The following ZNF106 variants were observed in gnomAD, a reference collection of about 807,000 sequenced individuals.
The protein encoded by ZNF106 is SH3-domain binding protein 3.
ZNF106 carries 67 observed loss-of-function variants against 195.1 expected under a neutral mutation model. That is an observed-to-expected ratio of 0.34 (90% CI 0.28 to 0.42). The LOEUF (loss-of-function observed/expected upper bound fraction) is 0.42. Among genes scored for constraint, ZNF106 ranks in the 10% least tolerant of loss-of-function variants. The pLI is 1.00. For synonymous variants in ZNF106, 784 were observed against 818.6 expected (o/e 0.96, Z 0.72); for missense variants, 2,118 against 2,304.5 (o/e 0.92, Z 1.66).
intron 4 of ZNF106, among the ~76,000 whole-genome samples, chr15:42,456,427 T>C (rs780786946): frequency 4.6e-5 from 7 of 152,110 alleles, no homozygotes; most frequent in Admixed American, 1.3e-4. Flanking sequence ...GGTGGGCAGA[T>C]TGCTTGAGGT....
At chr15:42,430,568 A>C (rs2055014327) in intron 14 of ZNF106, among the ~76,000 whole-genome samples, 2 of 151,668 alleles carry the variant, frequency 1.3e-5, no homozygotes, top group African/African-American at 4.9e-5. Flanking sequence ...ATTTTTTTGG[A>C]GAGATGAGGT....
In ZNF106 at chr15:42,451,866, C is replaced by T; in HGVS notation, c.406G>A (p.Asp136Asn). The T allele has an allele frequency of 6.2e-7, 1 of 1,614,196 alleles. No homozygotes were observed. Among genetic ancestry groups the T allele is most frequent in the Non-Finnish European group, 8.5e-7 (1 of 1,180,044 alleles). The stretch of plus-strand genomic sequence containing the variant: ...GCAGGCTGACTGTAACTCTCTCTGT[C>T]TTGGTAAGGAATTCGGTCTTCTCGT... ...WRREDRIPYQ[D>N]RESYSQPAWH... Residue 136 changes from aspartate to asparagine, a missense_variant, in exon 5 of 22, where the codon GAC becomes AAC. Asp to Asn is a conservative substitution (Grantham distance 23, BLOSUM62 1). Transcript: ENST00000564754.
intron 1 of ZNF106, among the ~76,000 whole-genome samples, chr15:42,481,428 G>C (rs2056899650): frequency 2.1e-5 from 3 of 143,268 alleles, no homozygotes; most frequent in South Asian, 4.4e-4. Flanking sequence ...TGCCACCTCA[G>C]CTCACTGTAA....
At chr15:42,428,181 G>A (rs1212466844) in intron 14 of ZNF106, 47 bp from the exon 15 acceptor site, 14 of 1,519,954 alleles carry the variant, frequency 9.2e-6, no homozygotes, top group Non-Finnish European at 1.3e-5. Flanking sequence ...ACTGGCAAAT[G>A]AGATGTCAAA....
At chr15:42,469,045 C>T (rs1341984792) in intron 2 of ZNF106, among the ~76,000 whole-genome samples, 1 of 151,894 alleles carries the variant, frequency 6.6e-6, no homozygotes, top group Non-Finnish European at 1.5e-5. Context: ...ATTAGCTGGG[C>T]GTGGTGGCGC....
At chr15:42,444,112 CAAAAAAAAAAAAAAA>C (rs58966014) in intron 9 of ZNF106, 75 bp downstream of exon 9, 20 of 248,936 alleles carry the variant, frequency 8.0e-5, no homozygotes, top group South Asian at 2.7e-4. Context: ...ACTCTGTCTC[CAAAAAAAAAAAAAAA>C]AAAAAAAAAA....
In ZNF106 at chr15:42,421,900, T is replaced by C; in HGVS notation, c.5445+17A>G. 6.6e-7 allele frequency: 1 copy of C among 1,521,430 alleles called. No individual in the cohort carries two copies. Among genetic ancestry groups the C allele is most frequent in the Non-Finnish European group, 8.9e-7 (1 of 1,127,528 alleles). The allele number at this position is 1,521,430 out of a possible 1,614,324, so 94.2% of individuals were successfully genotyped here. ...CACATTCAAAAGCAAATATCTTACATGACAAATAACACTCACCATGCTTTT... is the reference window on the plus strand; with the variant it reads ...CACATTCAAAAGCAAATATCTTACACGACAAATAACACTCACCATGCTTTT... On this transcript the variant is annotated intron_variant, in intron 19 of 21. Coordinates refer to ENST00000564754, the MANE Select transcript of ZNF106 (RefSeq NM_001366845.3).
chr15:42,439,823 G>T lies in ZNF106; in HGVS notation c.3764-10C>A. ...CTGTCACTGATCTCTCCTGAATTGA[G>T]AGGAAAAAAATTATTGCATCCTTTT... On this transcript the variant is annotated splice_polypyrimidine_tract_variant and intron_variant, in intron 10 of 21. Transcript: ENST00000564754. 1 of 1,493,686 alleles carries T rather than the reference G, an allele frequency of 6.7e-7. No individual in the cohort carries two copies. The allele number at this position is 1,493,686 out of a possible 1,614,324, so 92.5% of individuals were successfully genotyped here. A position where few individuals can be genotyped will look rare whatever the true frequency, so the allele number is the denominator to read the frequency against.
chr15:42,460,359 GAACTT>G (rs1197923724), intron 3 of ZNF106, among the ~76,000 whole-genome samples: 1 of 152,166 alleles, frequency 6.6e-6, no homozygotes, highest in Non-Finnish European at 1.5e-5. Context: ...AAAGTAGGCA[GAACTT>G]AACTGTTAAA....
At chr15:42,462,059 A>C (rs1308692815) in intron 3 of ZNF106, among the ~76,000 whole-genome samples, 6 of 152,180 alleles carry the variant, frequency 3.9e-5, no homozygotes, top group Non-Finnish European at 5.9e-5. Flanking sequence ...ATAAGTACTA[A>C]AGGCTATCCT....
At position 42,422,637 on chromosome 15, in the gene ZNF106, G is replaced by A. The variant is rs1287219431; in HGVS notation, c.5254-17C>T. The A allele has an allele frequency of 3.8e-6, 6 of 1,591,870 alleles. No homozygotes were observed. The highest frequency in any genetic ancestry group is 2.2e-5 in the East Asian group (1 of 44,562). ...CTCACCAGTCTATGTCAGAAGAGAA[G>A]TAAGAGTCACCAGACTGACTTTCGA... On this transcript the variant is annotated splice_polypyrimidine_tract_variant and intron_variant, in intron 17 of 21. Coordinates refer to ENST00000564754, the MANE Select transcript of ZNF106 (RefSeq NM_001366845.3).
chr15:42,452,318 T>A (rs930306476), intron 4 of ZNF106, among the ~76,000 whole-genome samples: 13 of 152,020 alleles, frequency 8.6e-5, no homozygotes, highest in African/African-American at 3.1e-4. Context: ...AGGTCAGGAA[T>A]TCAAGACCAA....
chr15:42,487,785 A>C (rs944942713), intron 1 of ZNF106, among the ~76,000 whole-genome samples: 3 of 152,014 alleles, frequency 2.0e-5, no homozygotes, highest in African/African-American at 7.3e-5. Context: ...TTAAACAATA[A>C]CTCATTTCCC....
chr15:42,466,106 G>C lies in ZNF106; in HGVS notation c.63C>G (p.Asp21Glu). ...GATGCAACATGCTCCGCATGTGTTC[G>C]TCCATCTCCTTCAAAATAAAAGAAA... ...HIVYSSKKEM[D>E]EHMRSMLHHR... is the part of the protein sequence containing the mutation. The change falls in exon 3 of 22, where the codon GAC becomes GAG. Residue 21 changes from aspartate to glutamate, a missense_variant. By Grantham distance (45) the Asp-to-Glu change is conservative. Coordinates refer to ENST00000564754, the MANE Select transcript of ZNF106 (RefSeq NM_001366845.3). 6.5e-7 allele frequency: 1 copy of C among 1,530,274 alleles called. No individual in the cohort carries two copies. Among genetic ancestry groups the C allele is most frequent in the Non-Finnish European group, 8.7e-7 (1 of 1,144,406 alleles). 94.8% of individuals were successfully genotyped at this position (1,530,274 alleles called of 1,614,324 possible).
intron 3 of ZNF106, among the ~76,000 whole-genome samples, chr15:42,464,515 C>T (rs935636078): frequency 4.0e-5 from 6 of 148,198 alleles, no homozygotes; most frequent in African/African-American, 1.5e-4. Context: ...GGAATATACA[C>T]ATGCTACTTT....
At chr15:42,478,586 G>C (rs945677894) in intron 1 of ZNF106, among the ~76,000 whole-genome samples, 1 of 140,522 alleles carries the variant, frequency 7.1e-6, no homozygotes, top group Non-Finnish European at 1.5e-5. Context: ...CATGATCTCA[G>C]CTCACGGCAA....
chr15:42,436,784 C>T (rs149535165), intron 13 of ZNF106, among the ~76,000 whole-genome samples: 1 of 152,224 alleles, frequency 6.6e-6, no homozygotes, highest in African/African-American at 2.4e-5. Context: ...CCCATATTCA[C>T]TTCATCCCTC....
intron 2 of ZNF106, among the ~76,000 whole-genome samples, chr15:42,471,497 G>A (rs1331873095): frequency 2.0e-5 from 3 of 152,106 alleles, no homozygotes; most frequent in African/African-American, 4.8e-5. Context: ...TGACAGGCCC[G>A]AGGCAGGTGA....
At position 42,421,906 on chromosome 15, in the gene ZNF106, A is replaced by G. The variant is rs142681308; in HGVS notation, c.5445+11T>C. The G allele has an allele frequency of 3.3e-6, 5 of 1,537,184 alleles. No individual in the cohort carries two copies. The African/African-American group carries it at 5.5e-5, about 17-fold the overall frequency. ...CAAAAGCAAATATCTTACATGACAAATAACACTCACCATGCTTTTATGGAT... is the reference window on the plus strand; with the variant it reads ...CAAAAGCAAATATCTTACATGACAAGTAACACTCACCATGCTTTTATGGAT... On this transcript the variant is annotated intron_variant, in intron 19 of 21. Transcript: ENST00000564754.
Sources: allele counts gnomAD v4.1 joint callset (sites outside exome capture counted in the v4.1 genomes callset), GRCh38; gene constraint gnomAD v4.1.1; transcripts MANE v1.5; gene names NCBI Gene and HGNC (gene_info 2026-07-23, HGNC 2026-07-21).